Variants in DISC1 observed in about 807,000 individuals in gnomAD.
The protein encoded by DISC1 is DISC1 scaffold protein, also known as disrupted in schizophrenia 1 protein.
Under a neutral mutation model 84.5 loss-of-function variants are expected in DISC1, and 57 were observed. That is an observed-to-expected ratio of 0.67 (90% CI 0.55 to 0.84). DISC1 has a LOEUF of 0.84. Among genes scored for constraint, DISC1 ranks in the 40% least tolerant of loss-of-function variants. The pLI is 0.00. For synonymous variants in DISC1, 411 were observed against 415.2 expected, an observed-to-expected ratio of 0.99 and a Z score of 0.12; for missense variants, 1,000 against 1,057.8, an observed-to-expected ratio of 0.95 and a Z score of 0.76.
At chr1:231,994,008 G>T (rs1665576801) in intron 10 of DISC1, among the ~76,000 whole-genome samples, 1 of 152,168 alleles carries the variant, frequency 6.6e-6, no homozygotes, top group South Asian at 2.1e-4. Context: ...ATCCACAACA[G>T]GAAAGGGAAG....
chr1:231,838,494 C>A (rs143163744), intron 9 of DISC1, among the ~76,000 whole-genome samples: 44 of 152,216 alleles, frequency 2.9e-4, no homozygotes, highest in African/African-American at 8.7e-4. Flanking sequence ...AAACCCCCTC[C>A]ATGCTTATGT....
Position 231,807,037 on chromosome 1 carries a change from C to T in DISC1, c.1792+6827C>T, listed in dbSNP as rs1306918591. On this transcript the variant is annotated intron_variant, in intron 8 of 12. Coordinates refer to ENST00000439617, the MANE Select transcript of DISC1 (RefSeq NM_018662.3). Reference sequence around the variant, plus strand: ...AGTTGGTGTCTTGAGTCCGCGTCCACCGTCTGCATGCCATGCCTGCCTTCC... The same window carrying T: ...AGTTGGTGTCTTGAGTCCGCGTCCATCGTCTGCATGCCATGCCTGCCTTCC... 3.9e-5 allele frequency among the ~76,000 whole-genome samples: 6 copies of T among 152,246 alleles called. No homozygotes were observed. The East Asian group carries it at 9.6e-4, about 24-fold the overall frequency.
chr1:231,929,728 C>CT (rs1381780576), intron 9 of DISC1, among the ~76,000 whole-genome samples: 1 of 152,130 alleles, frequency 6.6e-6, no homozygotes, highest in African/African-American at 2.4e-5. Flanking sequence ...AGAAAAGGGG[C>CT]TTTTGAAGGA....
intron 1 of DISC1, among the ~76,000 whole-genome samples, chr1:231,637,652 A>G (rs1231461452): frequency 6.6e-6 from 1 of 151,814 alleles, no homozygotes; most frequent in South Asian, 2.1e-4. Flanking sequence ...AGTTCCATCG[A>G]TGTTGTTGGA....
At position 232,039,919 on chromosome 1, in the gene DISC1, C is replaced by A. The variant is rs78843900; in HGVS notation, c.*3088C>A. 1 of 149,846 alleles carries A rather than the reference C, an allele frequency of 6.7e-6. No individual in the cohort carries two copies. Among genetic ancestry groups the A allele is most frequent in the Admixed American group, 6.6e-5 (1 of 15,042 alleles). 9.3% of individuals were successfully genotyped at this position (149,846 alleles called of 1,614,324 possible). On this transcript the variant is annotated 3_prime_UTR_variant, in exon 13 of 13. Transcript: ENST00000439617. ...GAATGCTGGCTTTCAAATGGTCACC[C>A]ATTTTTCTTTCACTGGCCTGAGTTA...
At chr1:231,896,694 A>G (rs1177648802) in intron 9 of DISC1, among the ~76,000 whole-genome samples, 1 of 152,200 alleles carries the variant, frequency 6.6e-6, no homozygotes, top group Non-Finnish European at 1.5e-5. Flanking sequence ...TCTCAGGGCT[A>G]TGTTTTCTTA....
intron 9 of DISC1, among the ~76,000 whole-genome samples, chr1:231,874,916 CAA>C (rs747303966): frequency 4.8e-4 from 26 of 54,394 alleles, no homozygotes; most frequent in African/African-American, 9.2e-4. Context: ...GACTCCGTCT[CAA>C]AAAAAAAAAA....
chr1:231,636,943 C>T (rs912464353), intron 1 of DISC1, among the ~76,000 whole-genome samples: 10 of 152,138 alleles, frequency 6.6e-5, no homozygotes, highest in Non-Finnish European at 1.5e-4. Flanking sequence ...TCCTGATGCT[C>T]TCCCTCCCCT....
intron 10 of DISC1, among the ~76,000 whole-genome samples, chr1:231,970,881 CTCTT>C (rs904802712): frequency 9.2e-5 from 14 of 152,258 alleles, no homozygotes; most frequent in Admixed American, 6.5e-4. Flanking sequence ...AAGAGGGTTC[CTCTT>C]TCTTTAAGTT....
rs1472744455 is a variant in DISC1 at position 232,031,279 on chromosome 1, AGAAAG to A, written c.2425+4728_2425+4732del. 6.8e-6 allele frequency among the ~76,000 whole-genome samples: 1 copy of A among 146,094 alleles called. No individual in the cohort carries two copies. Among genetic ancestry groups the A allele is most frequent in the Non-Finnish European group, 1.5e-5 (1 of 65,776 alleles). On this transcript the variant is annotated intron_variant, in intron 12 of 12. Coordinates refer to ENST00000439617, the MANE Select transcript of DISC1 (RefSeq NM_018662.3). This position sits in a 1 kb window ranked among gnomAD's most constrained non-coding sequence, Gnocchi z 4.6. ...GAGAAAGAAAGATAAAGAAAGAAAAAGAAAGAAAAGAGGAAGGAAGGAAGGAGAGA... is the reference window on the plus strand; with the variant it reads ...GAGAAAGAAAGATAAAGAAAGAAAAAAAAAGAGGAAGGAAGGAAGGAGAGA...
chr1:231,886,140 C>T (rs1371668801), intron 9 of DISC1, among the ~76,000 whole-genome samples: 1 of 152,132 alleles, frequency 6.6e-6, no homozygotes, highest in Non-Finnish European at 1.5e-5. Flanking sequence ...GAGGGTGGTG[C>T]CCCCATGACC....
intron 1 of DISC1, among the ~76,000 whole-genome samples, chr1:231,664,039 TATCCATCCATCCATCC>T (rs57234946): frequency 2.1e-5 from 3 of 146,312 alleles, no homozygotes; most frequent in Non-Finnish European, 3.0e-5. Flanking sequence ...TCCATCTATC[TATCCATCCATCCATCC>T]ATCCATCCAT....
intron 3 of DISC1, among the ~76,000 whole-genome samples, chr1:231,727,697 G>A (rs900662558): frequency 1.3e-5 from 2 of 152,030 alleles, no homozygotes; most frequent in Non-Finnish European, 2.9e-5. Context: ...CTCTTCACAG[G>A]CATTCTTTTC....
chr1:231,885,470 G>A (rs1574404340), intron 9 of DISC1, among the ~76,000 whole-genome samples: 1 of 152,322 alleles, frequency 6.6e-6, no homozygotes, highest in East Asian at 1.9e-4. Context: ...GTTATTGTCT[G>A]CCTGAAAATG....
intron 9 of DISC1, among the ~76,000 whole-genome samples, chr1:231,952,156 T>C (rs1307168318): frequency 6.7e-6 from 1 of 149,470 alleles, no homozygotes; most frequent in African/African-American, 2.5e-5. Flanking sequence ...GATGAATGTA[T>C]GAATGACAGT....
chr1:231,672,628 C>A (rs2062735665), intron 1 of DISC1, among the ~76,000 whole-genome samples: 1 of 152,184 alleles, frequency 6.6e-6, no homozygotes, highest in Non-Finnish European at 1.5e-5. Flanking sequence ...GTCTTCTTGA[C>A]ATTTTTCTTA....
At chr1:231,686,758 A>G (rs928687908) in intron 1 of DISC1, among the ~76,000 whole-genome samples, 7 of 152,074 alleles carry the variant, frequency 4.6e-5, no homozygotes, top group Non-Finnish European at 1.0e-4. Flanking sequence ...TTTCTGTCAC[A>G]TTGTTATGCT....
chr1:231,871,291 G>A (rs2085443559), intron 9 of DISC1, among the ~76,000 whole-genome samples: 1 of 152,214 alleles, frequency 6.6e-6, no homozygotes, highest in Non-Finnish European at 1.5e-5. Flanking sequence ...TCCGAGGGCA[G>A]CACCTAATGT....
chr1:231,863,759 G>A (rs1389979357), intron 9 of DISC1, among the ~76,000 whole-genome samples: 3 of 152,140 alleles, frequency 2.0e-5, no homozygotes, highest in African/African-American at 7.2e-5. Context: ...TGAGTCCCTG[G>A]TTTCTCATCT....
Sources: allele counts gnomAD v4.1 joint callset (sites outside exome capture counted in the v4.1 genomes callset), GRCh38; gene constraint gnomAD v4.1.1; non-coding constraint Gnocchi (gnomAD v3.1); transcripts MANE v1.5; gene names NCBI Gene and HGNC (gene_info 2026-07-23, HGNC 2026-07-21).